Variants in WNT9B observed in about 807,000 individuals in gnomAD.
WNT9B encodes protein Wnt-9b.
Under a neutral mutation model 30.2 loss-of-function variants are expected in WNT9B, and 12 were observed. That is an observed-to-expected ratio of 0.40 (90% CI 0.26 to 0.64). The LOEUF is 0.64. Among genes scored for constraint, WNT9B ranks in the 30% least tolerant of loss-of-function variants. WNT9B has a pLI of 0.42. For missense variants in WNT9B, 442 were observed against 485.2 expected, an observed-to-expected ratio of 0.91 and a Z score of 0.84; for synonymous variants, 218 against 216.9, an observed-to-expected ratio of 1.01 and a Z score of -0.05.
intron 1 of WNT9B, among the ~76,000 whole-genome samples, chr17:46,838,926 G>A (rs1465645054): frequency 2.0e-5 from 3 of 152,080 alleles, no homozygotes; most frequent in Non-Finnish European, 4.4e-5. Flanking sequence ...CGCCCAGGCT[G>A]GAGTGAAGTG....
intron 1 of WNT9B, among the ~76,000 whole-genome samples, chr17:46,867,903 G>C (rs150290566): frequency 6.6e-6 from 1 of 152,144 alleles, no homozygotes; most frequent in African/African-American, 2.4e-5. Context: ...GGAGGTGGGG[G>C]CTCTGGTTTT....
chr17:46,854,998 TCAGAGCCATTTCTC>T (rs2084915594), intron 1 of WNT9B, among the ~76,000 whole-genome samples: 1 of 152,180 alleles, frequency 6.6e-6, no homozygotes, highest in Non-Finnish European at 1.5e-5. Flanking sequence ...CATCTGATCC[TCAGAGCCATTTCTC>T]CAGAGCCATG....
chr17:46,865,814 G>A (rs770501896), intron 1 of WNT9B, among the ~76,000 whole-genome samples: 9 of 152,054 alleles, frequency 5.9e-5, no homozygotes, highest in Non-Finnish European at 7.4e-5. Flanking sequence ...TCTCACTTAC[G>A]TTGCCCAGGC....
chr17:46,873,811 GA>G, intron 2 of WNT9B, among the ~76,000 whole-genome samples: 1 of 151,104 alleles, frequency 6.6e-6, no homozygotes, highest in East Asian at 1.9e-4. Context: ...TCAAAATGGT[GA>G]AACCCCATCT....
chr17:46,865,691 C>T (rs181341217), intron 1 of WNT9B, among the ~76,000 whole-genome samples: 1 of 152,254 alleles, frequency 6.6e-6, no homozygotes, highest in East Asian at 1.9e-4. Context: ...TCATGGCCCA[C>T]TGCAGCCTTG....
At chr17:46,853,862 G>A (rs1255021913) in intron 1 of WNT9B, among the ~76,000 whole-genome samples, 6 of 152,078 alleles carry the variant, frequency 3.9e-5, no homozygotes, top group Non-Finnish European at 7.4e-5. Context: ...GAGAGGAGAG[G>A]GGTTCCAGGA....
chr17:46,834,265 G>A (rs557726553), intron 1 of WNT9B, among the ~76,000 whole-genome samples: 17 of 152,302 alleles, frequency 1.1e-4, no homozygotes, highest in African/African-American at 3.4e-4. Context: ...CCAAAACGAC[G>A]GATTTGCCAA....
rs1305540122 is a variant in WNT9B, at chr17:46,876,454, C to T, written c.810C>T (p.Leu270=). 1 of 1,613,696 alleles carries T rather than the reference C, an allele frequency of 6.2e-7. No individual in the cohort carries two copies. The highest frequency in any genetic ancestry group is 8.5e-7 in the Non-Finnish European group (1 of 1,180,012). Residue 270 remains leucine, a synonymous_variant, in exon 4 of 4, where the codon CTC becomes CTT. Coordinates refer to ENST00000290015, the MANE Select transcript of WNT9B (RefSeq NM_003396.3). ...GGGCCCCTGCCAGGCAGGGCAGCCT[C>T]ACCAAAGGCCTGGCCCCAAGGTCTG... The part of the protein sequence containing the change: ...ELWAPARQGS[L]TKGLAPRSGD...
At chr17:46,873,774 G>A (rs112546995) in intron 2 of WNT9B, among the ~76,000 whole-genome samples, 4 of 150,792 alleles carry the variant, frequency 2.7e-5, no homozygotes, top group African/African-American at 7.5e-5. Context: ...TTGAGAGGCC[G>A]AGGTCAGGAG....
intron 1 of WNT9B, among the ~76,000 whole-genome samples, chr17:46,861,348 C>A (rs2085034303): frequency 6.6e-6 from 1 of 152,198 alleles, no homozygotes; most frequent in Non-Finnish European, 1.5e-5. Context: ...AGCAGTGCTC[C>A]CTGGTCTGCA....
chr17:46,882,401 C>T (rs2085435070), downstream of WNT9B, among the ~76,000 whole-genome samples: 1 of 152,154 alleles, frequency 6.6e-6, no homozygotes, highest in Non-Finnish European at 1.5e-5. Flanking sequence ...AACATTTTGG[C>T]AATAAGCTGC....
chr17:46,839,974 T>C (rs1351771599), intron 1 of WNT9B, among the ~76,000 whole-genome samples: 2 of 137,854 alleles, frequency 1.5e-5, no homozygotes, highest in African/African-American at 2.7e-5. Flanking sequence ...CTTTCTTTCT[T>C]TCTCTTCTTT....
Position 46,855,114 on chromosome 17 carries a change from G to A in WNT9B, c.77+3399G>A, listed in dbSNP as rs981701776. Reference sequence around the variant, plus strand: ...GTTACACAGTGAATCGGTGGGGGAGGTTGAATAGAAACCCTGCTTCCAGTC... The same window carrying A: ...GTTACACAGTGAATCGGTGGGGGAGATTGAATAGAAACCCTGCTTCCAGTC... On this transcript the variant is annotated intron_variant, in intron 1 of 3. Transcript: ENST00000290015. Among the ~76,000 whole-genome samples, 6 of 152,196 alleles carry A rather than the reference G, an allele frequency of 3.9e-5. No individual in the cohort carries two copies. In the East Asian group the frequency reaches 1.2e-3, roughly 29 times the overall value.
chr17:46,839,961 TTTC>T (rs2084685170), intron 1 of WNT9B, among the ~76,000 whole-genome samples: 2 of 141,450 alleles, frequency 1.4e-5, no homozygotes, highest in South Asian at 2.2e-4. Flanking sequence ...TCTTTCTTTC[TTTC>T]TTTCTTTCTT....
In WNT9B at chr17:46,851,844, C is replaced by G. The variant is rs547103165; in HGVS notation, c.77+129C>G. ...GAGGTCTCGAACTCAGACCCTAGCC[C>G]GGCGCGACCCAACCCACTTCGCAGT... On this transcript the variant is annotated intron_variant, in intron 1 of 3. Transcript: ENST00000290015. The surrounding 1 kb of genome is among the most constrained non-coding windows in gnomAD (Gnocchi z 4.3). 2.3e-6 allele frequency: 1 copy of G among 428,092 alleles called. No individual in the cohort carries two copies. Among genetic ancestry groups the G allele is most frequent in the Non-Finnish European group, 3.8e-6 (1 of 260,130 alleles). The allele number at this position is 428,092 out of a possible 1,614,324, so 26.5% of individuals were successfully genotyped here.
chr17:46,849,562 G>A (rs374055117), upstream of WNT9B, among the ~76,000 whole-genome samples: 21 of 152,280 alleles, frequency 1.4e-4, no homozygotes, highest in Middle Eastern at 6.8e-3. Context: ...TTCTGTGATC[G>A]TGGTTCAAAA....
downstream of WNT9B, among the ~76,000 whole-genome samples, chr17:46,883,861 C>T (rs900822567): frequency 5.9e-5 from 9 of 152,214 alleles, no homozygotes; most frequent in Non-Finnish European, 1.3e-4. Context: ...ATGCCTCTCA[C>T]GCGTCTTATC....
intron 1 of WNT9B, among the ~76,000 whole-genome samples, chr17:46,853,449 G>T (rs558129741): frequency 7.1e-6 from 1 of 140,182 alleles, no homozygotes; most frequent in East Asian, 2.2e-4. Context: ...TTGGGTCACT[G>T]CAACCTCCAT....
At chr17:46,846,889 A>G (rs747560599), upstream of WNT9B, among the ~76,000 whole-genome samples, 2 of 152,182 alleles carry the variant, frequency 1.3e-5, no homozygotes, top group African/African-American at 2.4e-5. Context: ...AAGATAGGAC[A>G]GGGGCCCTTC....
Sources: allele counts gnomAD v4.1 joint callset (sites outside exome capture counted in the v4.1 genomes callset), GRCh38; gene constraint gnomAD v4.1.1; non-coding constraint Gnocchi (gnomAD v3.1); transcripts MANE v1.5; gene names NCBI Gene and HGNC (gene_info 2026-07-23, HGNC 2026-07-21).